AUTS2: variants seen among roughly 807,000 people sequenced by gnomAD.
AUTS2 encodes the protein autism susceptibility gene 2 protein.
In AUTS2, 17 loss-of-function variants were observed where a neutral mutation model predicts 112.4. The ratio of observed to expected loss-of-function variants is 0.15; its 90% CI spans 0.10 to 0.23. AUTS2 has a LOEUF of 0.23. Among genes scored for constraint, AUTS2 ranks in the 10% least tolerant of loss-of-function variants. AUTS2 has a pLI of 1.00. For missense variants in AUTS2, 1,510 were observed against 1,701.6 expected (o/e 0.89, Z 1.98); for synonymous variants, 751 against 702.7 (o/e 1.07, Z -1.09).
chr7:70,313,934 T>C lies in AUTS2; in HGVS notation c.661-121818T>C, dbSNP rs761909947. Among the ~76,000 whole-genome samples the C allele has an allele frequency of 3.9e-5, 6 of 152,286 alleles. No homozygotes were observed. In the South Asian group the frequency reaches 1.0e-3, roughly 26 times the overall value. On this transcript the variant is annotated intron_variant, in intron 4 of 18. Transcript: ENST00000342771. ...CATAAAGAACTCCCACAGAATTAAT[T>C]AGCCGCATTTTAGCACTGGAGACTG...
chr7:70,440,983 C>G (rs1323125205), intron 5 of AUTS2, among the ~76,000 whole-genome samples: 1 of 152,146 alleles, frequency 6.6e-6, no homozygotes, highest in Non-Finnish European at 1.5e-5. Context: ...CAAAGGGAAA[C>G]ATGATTTTTC....
At chr7:69,840,239 G>A (rs1013506979) in intron 1 of AUTS2, among the ~76,000 whole-genome samples, 1 of 152,134 alleles carries the variant, frequency 6.6e-6, no homozygotes. Flanking sequence ...ATTCCAAAAA[G>A]CGTTTCTCAG....
At chr7:69,988,860 T>C (rs1253406136) in intron 2 of AUTS2, among the ~76,000 whole-genome samples, 1 of 152,114 alleles carries the variant, frequency 6.6e-6, no homozygotes, top group Non-Finnish European at 1.5e-5. Context: ...TTTGACAACT[T>C]AGAGTGAATG....
chr7:70,454,299 C>T (rs1046643691), intron 5 of AUTS2, among the ~76,000 whole-genome samples: 2 of 152,128 alleles, frequency 1.3e-5, no homozygotes, highest in African/African-American at 4.8e-5. Context: ...CTTTGGGAGG[C>T]CGAGGCGGGT....
intron 4 of AUTS2, among the ~76,000 whole-genome samples, chr7:70,248,215 T>C (rs1260185328): frequency 2.0e-5 from 3 of 152,166 alleles, no homozygotes; most frequent in Non-Finnish European, 4.4e-5. Context: ...GTATCAAGAT[T>C]CTCCCACCTC....
intron 4 of AUTS2, among the ~76,000 whole-genome samples, chr7:70,388,897 AAC>A (rs1274442832): frequency 1.3e-5 from 2 of 152,188 alleles, no homozygotes; most frequent in Non-Finnish European, 2.9e-5. Context: ...GACTAGAACA[AAC>A]ACAAGTGAAT....
chr7:70,520,249 CAT>C (rs1201456088), intron 5 of AUTS2, among the ~76,000 whole-genome samples: 1 of 152,212 alleles, frequency 6.6e-6, no homozygotes, highest in Non-Finnish European at 1.5e-5. Context: ...TACACACACA[CAT>C]GAGCAAGCTT....
intron 1 of AUTS2, among the ~76,000 whole-genome samples, chr7:69,760,434 A>G (rs1788137197): frequency 6.6e-6 from 1 of 152,082 alleles, no homozygotes; most frequent in South Asian, 2.1e-4. Flanking sequence ...TAATATATTT[A>G]ACCTCTTTAT....
intron 5 of AUTS2, among the ~76,000 whole-genome samples, chr7:70,646,947 C>T (rs144577901): frequency 8.5e-4 from 129 of 152,310 alleles, no homozygotes; most frequent in Non-Finnish European, 1.7e-3. Flanking sequence ...CTCATCATTC[C>T]AGGCTGGCTG....
At chr7:70,309,144 T>C (rs1338537474) in intron 4 of AUTS2, among the ~76,000 whole-genome samples, 7 of 152,226 alleles carry the variant, frequency 4.6e-5, no homozygotes, top group Non-Finnish European at 2.9e-5. Flanking sequence ...GTCAGAACCA[T>C]CAGTTAAGAA....
intron 1 of AUTS2, among the ~76,000 whole-genome samples, chr7:69,706,873 G>A (rs950747882): frequency 2.4e-4 from 36 of 152,162 alleles, no homozygotes; most frequent in South Asian, 4.1e-4. Context: ...TTGGTTACAC[G>A]ATATCTTGCT....
chr7:70,463,893 T>C (rs1585176197), intron 5 of AUTS2, among the ~76,000 whole-genome samples: 1 of 152,220 alleles, frequency 6.6e-6, no homozygotes, highest in Non-Finnish European at 1.5e-5. Flanking sequence ...TGGTAGTTTG[T>C]CAATTAAGGG....
In AUTS2 at chr7:70,789,768, A is replaced by C. The variant is rs769837415; in HGVS notation, c.2552A>C (p.His851Pro). The C allele has an allele frequency of 1.9e-6, 3 of 1,612,608 alleles. No individual in the cohort carries two copies. The highest frequency in any genetic ancestry group is 2.5e-6 in the Non-Finnish European group (3 of 1,179,286). Residue 851 changes from histidine to proline, a missense_variant, in exon 19 of 19, where the codon CAC (histidine) becomes CCC (proline). Coordinates refer to ENST00000342771, the MANE Select transcript of AUTS2 (RefSeq NM_015570.4). ...CCCAGGGAAAGCGTCGAGAAGAGAC[A>C]CTCCAGCCACCCTTCACCAGCACCT... ...DKERESVEKRHSSHPSPAPVL... is the reference protein window; with the variant it reads ...DKERESVEKRPSSHPSPAPVL...
At chr7:70,168,017 A>C (rs2129578242) in intron 4 of AUTS2, among the ~76,000 whole-genome samples, 1 of 152,368 alleles carries the variant, frequency 6.6e-6, no homozygotes, top group East Asian at 1.9e-4. Context: ...CTAAGTCACA[A>C]GACTTGTTTG....
chr7:69,764,003 C>T (rs1788305291), intron 1 of AUTS2, among the ~76,000 whole-genome samples: 1 of 152,158 alleles, frequency 6.6e-6, no homozygotes, highest in Non-Finnish European at 1.5e-5. Context: ...TATTCTCATT[C>T]TGACTTTTAA....
intron 5 of AUTS2, among the ~76,000 whole-genome samples, chr7:70,684,441 A>G (rs1046884725): frequency 2.6e-5 from 4 of 152,068 alleles, no homozygotes; most frequent in African/African-American, 9.7e-5. Flanking sequence ...CAGCAGAATG[A>G]TTTTGTCTTA....
intron 5 of AUTS2, among the ~76,000 whole-genome samples, chr7:70,534,396 A>ATTTG (rs59524958): frequency 0.054 from 7,978 of 147,972 alleles, 238 homozygotes; most frequent in East Asian, 0.11. Flanking sequence ...GGGAATATGA[A>ATTTG]TTTGTTTGTT....
rs182633177 is a variant in AUTS2 at position 69,934,153 on chromosome 7, T to C, written c.522+34655T>C. ...GTGGGAATTAGAAAGTTCAGACTCT[T>C]TTTTTAGAGGTCTCCCAAAATTGTT... On this transcript the variant is annotated intron_variant, in intron 2 of 18. Coordinates refer to ENST00000342771, the MANE Select transcript of AUTS2 (RefSeq NM_015570.4). Among the ~76,000 whole-genome samples, 77 of 152,332 alleles carry C rather than the reference T, an allele frequency of 5.1e-4. No homozygotes were observed. In the Middle Eastern group the frequency reaches 0.01, roughly 20 times the overall value.
chr7:70,128,769 A>G lies in AUTS2; in HGVS notation c.625-5767A>G, dbSNP rs533365281. ...AAACAACAGAAATCTATTATCTCAC[A>G]GTTCTGGAGGCTAGAAATTTAACAT... is the stretch of plus-strand genomic sequence containing the variant. On this transcript the variant is annotated intron_variant, in intron 3 of 18. Coordinates refer to ENST00000342771, the MANE Select transcript of AUTS2 (RefSeq NM_015570.4). Among the ~76,000 whole-genome samples, 32 of 152,326 alleles carry G rather than the reference A, an allele frequency of 2.1e-4. 1 individual carries two copies. Among genetic ancestry groups the G allele is most frequent in the African/African-American group, 7.0e-4 (29 of 41,580 alleles).
Sources: allele counts gnomAD v4.1 joint callset (sites outside exome capture counted in the v4.1 genomes callset), GRCh38; gene constraint gnomAD v4.1.1; transcripts MANE v1.5; gene names NCBI Gene and HGNC (gene_info 2026-07-23, HGNC 2026-07-21).